The following ARHGEF12 variants were observed in gnomAD, a reference collection of about 807,000 sequenced individuals.
ARHGEF12 encodes the protein Rho guanine nucleotide exchange factor 12, also known as KMT2A/ARHGEF12 fusion protein.
In ARHGEF12, 66 loss-of-function variants were observed where a neutral mutation model predicts 211.2. The observed-to-expected ratio is 0.31, with a 90% CI of 0.26 to 0.38. The LOEUF is 0.38. Among genes scored for constraint, ARHGEF12 ranks in the 10% least tolerant of loss-of-function variants. The probability of loss-of-function intolerance (pLI) is 1.00; values close to 1 mark genes in which losing one functional copy is unlikely to be tolerated. For synonymous variants in ARHGEF12, 592 were observed against 638.4 expected, an observed-to-expected ratio of 0.93 and a Z score of 1.09; for missense variants, 1,429 against 1,869.5, an observed-to-expected ratio of 0.76 and a Z score of 4.34.
intron 30 of ARHGEF12, 45 bp downstream of exon 30, chr11:120,469,433 A>G: frequency 2.1e-6 from 3 of 1,419,322 alleles, no homozygotes; most frequent in African/African-American, 1.4e-5. Context: ...TTGGGAGAAC[A>G]TTAAATTAAT....
At chr11:120,435,144 A>G (rs147895989) in intron 11 of ARHGEF12, among the ~76,000 whole-genome samples, 5 of 152,272 alleles carry the variant, frequency 3.3e-5, no homozygotes, top group African/African-American at 9.6e-5. Context: ...CCATTGGTTA[A>G]TAAGTCATTT....
intron 1 of ARHGEF12, among the ~76,000 whole-genome samples, chr11:120,339,886 C>T (rs964503202): frequency 6.6e-6 from 1 of 152,192 alleles, no homozygotes; most frequent in Non-Finnish European, 1.5e-5. Flanking sequence ...AACACATTAA[C>T]TTGCTCTCTT....
At chr11:120,448,188 C>T (rs146377351) in intron 19 of ARHGEF12, 46 bp from the exon 20 acceptor site, 3 of 1,372,984 alleles carry the variant, frequency 2.2e-6, no homozygotes, top group South Asian at 1.2e-5. Flanking sequence ...TTCTACCAAC[C>T]CTCCCTTCTC....
At chr11:120,440,047 C>A in intron 12 of ARHGEF12, 82 bp from the exon 13 acceptor site, 2 of 976,590 alleles carry the variant, frequency 2.0e-6, no homozygotes, top group Non-Finnish European at 3.2e-6. Flanking sequence ...TGAACCATGT[C>A]TTTTTGATGG....
chr11:120,425,867 A>C (rs1945332615), intron 7 of ARHGEF12, among the ~76,000 whole-genome samples: 1 of 152,166 alleles, frequency 6.6e-6, no homozygotes, highest in Non-Finnish European at 1.5e-5. Context: ...ATTCCACAGT[A>C]AAGTAGACTA....
rs1237182469 is a variant in ARHGEF12 at position 120,478,400 on chromosome 11, T to C, written c.3766+11T>C. The C allele has an allele frequency of 2.5e-6, 4 of 1,607,150 alleles. No individual in the cohort carries two copies. The highest frequency in any genetic ancestry group is 2.6e-6 in the Non-Finnish European group (3 of 1,173,758). Reference sequence around the variant, plus strand: ...ATGCACTAAGAAATTGTAAGTTTTATTCATAACTTATTACAGATACTTACT... The same window carrying C: ...ATGCACTAAGAAATTGTAAGTTTTACTCATAACTTATTACAGATACTTACT... On this transcript the variant is annotated intron_variant, in intron 37 of 40. Coordinates refer to ENST00000397843, the MANE Select transcript of ARHGEF12 (RefSeq NM_015313.3).
At chr11:120,389,507 G>C (rs998906567) in intron 1 of ARHGEF12, among the ~76,000 whole-genome samples, 1 of 152,062 alleles carries the variant, frequency 6.6e-6, no homozygotes, top group African/African-American at 2.4e-5. Flanking sequence ...TGTATTTATG[G>C]ATTACATCAG....
intron 12 of ARHGEF12, among the ~76,000 whole-genome samples, chr11:120,438,145 T>G (rs1945750392): frequency 6.6e-6 from 1 of 152,224 alleles, no homozygotes; most frequent in African/African-American, 2.4e-5. Flanking sequence ...TATTTACAGT[T>G]TTGTAGTAAA....
At chr11:120,353,017 C>CTT (rs1943030711) in intron 1 of ARHGEF12, among the ~76,000 whole-genome samples, 1 of 152,254 alleles carries the variant, frequency 6.6e-6, no homozygotes, top group South Asian at 2.1e-4. Flanking sequence ...TGGACAGAAT[C>CTT]TAAGAGTCCA....
intron 1 of ARHGEF12, among the ~76,000 whole-genome samples, chr11:120,396,168 T>A (rs1022724039): frequency 1.3e-5 from 2 of 152,104 alleles, no homozygotes; most frequent in Non-Finnish European, 2.9e-5. Context: ...AGCAAGAGAA[T>A]AAATAACGTA....
chr11:120,352,773 T>C (rs907125036), intron 1 of ARHGEF12, among the ~76,000 whole-genome samples: 16 of 152,322 alleles, frequency 1.1e-4, no homozygotes, highest in African/African-American at 3.6e-4. Flanking sequence ...GCCCTACCTA[T>C]TGTCATTCTC....
intron 29 of ARHGEF12, among the ~76,000 whole-genome samples, chr11:120,468,612 C>A (rs1157949423): frequency 6.6e-6 from 1 of 152,162 alleles, no homozygotes; most frequent in African/African-American, 2.4e-5. Flanking sequence ...CCACACCTGG[C>A]TAATTTTTTT....
chr11:120,339,005 C>CTT (rs906260027), intron 1 of ARHGEF12, among the ~76,000 whole-genome samples: 2,324 of 121,820 alleles, frequency 0.019, 46 homozygotes, highest in African/African-American at 0.031. Flanking sequence ...TTTTCTTTTT[C>CTT]TTTTTTTTTT....
At chr11:120,477,092 T>C (rs1947055169) in intron 34 of ARHGEF12, 127 bp from the exon 35 acceptor site, 1 of 656,182 alleles carries the variant, frequency 1.5e-6, no homozygotes, top group African/African-American at 2.0e-5. Flanking sequence ...TTGTTGTTGT[T>C]GTTGTTGTTG....
chr11:120,475,314 A>AT (rs748315722), intron 32 of ARHGEF12, 26 bp from the exon 33 acceptor site: 1 of 1,606,592 alleles, frequency 6.2e-7, no homozygotes, highest in Non-Finnish European at 8.5e-7. Flanking sequence ...TGTACTTACC[A>AT]TTTTTTTCTG....
intron 40 of ARHGEF12, among the ~76,000 whole-genome samples, chr11:120,484,840 AT>A (rs1947358618): frequency 6.6e-6 from 1 of 151,922 alleles, no homozygotes; most frequent in East Asian, 1.9e-4. Context: ...AGTGTGGAGG[AT>A]TTGGCCTTAT....
intron 39 of ARHGEF12, among the ~76,000 whole-genome samples, chr11:120,482,004 C>T (rs1450187064): frequency 6.6e-6 from 1 of 152,186 alleles, no homozygotes; most frequent in African/African-American, 2.4e-5. Context: ...CGTGATCCGC[C>T]TGCCTCGGCC....
chr11:120,457,040 C>G, intron 22 of ARHGEF12, 78 bp from the exon 23 acceptor site: 7 of 1,438,148 alleles, frequency 4.9e-6, no homozygotes, highest in Non-Finnish European at 5.7e-6. Context: ...TGAAGCTGTT[C>G]TGGGAACTAA....
At position 120,465,313 on chromosome 11, in the gene ARHGEF12, T is replaced by A. The variant is rs1431386943; in HGVS notation, c.2690T>A (p.Met897Lys). The change falls in exon 28 of 41, where the codon ATG (methionine) becomes AAG (lysine). Residue 897 changes from methionine (M) to lysine (K), a missense_variant. Around this residue, in one of 7 missense-constraint regions of ARHGEF12, gnomAD observed 223 missense variants for 444.6 expected, o/e 0.50. Coordinates refer to ENST00000397843, the MANE Select transcript of ARHGEF12 (RefSeq NM_015313.3). Reference protein sequence around the residue: ...FCSNQPFALEMIKSRQKKDSR... With the variant: ...FCSNQPFALEKIKSRQKKDSR... ...AGTAACCAACCTTTCGCCCTGGAAA[T>A]GATCAAATCTCGTCAGAAAAAGGAT... 1 of 1,614,170 alleles carries A rather than the reference T, an allele frequency of 6.2e-7. No homozygotes were observed. The highest frequency in any genetic ancestry group is 8.5e-7 in the Non-Finnish European group (1 of 1,180,022).
Sources: allele counts gnomAD v4.1 joint callset (sites outside exome capture counted in the v4.1 genomes callset), GRCh38; gene constraint gnomAD v4.1.1; regional missense constraint gnomAD v4.1.1; transcripts MANE v1.5; gene names NCBI Gene and HGNC (gene_info 2026-07-23, HGNC 2026-07-21).